DLG2: variants seen among roughly 807,000 people sequenced by gnomAD.
DLG2 encodes the protein discs large MAGUK scaffold protein 2, also known as disks large homolog 2.
A neutral mutation model predicts 132.5 loss-of-function variants in DLG2; 45 were observed. The ratio of observed to expected loss-of-function variants is 0.34; its 90% CI spans 0.27 to 0.44. The LOEUF (loss-of-function observed/expected upper bound fraction) is 0.44. Ranked by LOEUF, DLG2 falls within the 20% of genes least tolerant of loss-of-function variation. The probability of loss-of-function intolerance (pLI) is 1.00; values close to 1 mark genes in which losing one functional copy is unlikely to be tolerated. For missense variants in DLG2, 1,045 were observed against 1,196.9 expected (o/e 0.87, Z 1.87); for synonymous variants, 424 against 419.6 (o/e 1.01, Z -0.13).
chr11:84,166,979 A>G (rs1450518251), intron 8 of DLG2: 1 of 533,224 alleles, frequency 1.9e-6, no homozygotes, highest in East Asian at 5.4e-5. Context: ...TATGCTACTG[A>G]TAGTTTGGGG....
At chr11:84,945,443 G>A (rs1397082446) in intron 6 of DLG2, among the ~76,000 whole-genome samples, 4 of 152,164 alleles carry the variant, frequency 2.6e-5, no homozygotes, top group Non-Finnish European at 5.9e-5. Context: ...TGAGCTGCCT[G>A]GAGCTATGGA....
chr11:84,266,469 G>A (rs924298557), intron 7 of DLG2, among the ~76,000 whole-genome samples: 39 of 152,090 alleles, frequency 2.6e-4, no homozygotes, highest in Admixed American at 2.6e-3. Flanking sequence ...TCCATTAATA[G>A]CCTTGTTCAT....
intron 8 of DLG2, among the ~76,000 whole-genome samples, chr11:84,197,760 A>G (rs1266838287): frequency 6.6e-6 from 1 of 152,194 alleles, no homozygotes; most frequent in Non-Finnish European, 1.5e-5. Context: ...TATTCACTCA[A>G]TTAAGTAACT....
At chr11:84,517,801 C>T (rs945314002) in intron 7 of DLG2, among the ~76,000 whole-genome samples, 20 of 151,684 alleles carry the variant, frequency 1.3e-4, no homozygotes, top group Non-Finnish European at 1.9e-4. Context: ...ATGTACATAA[C>T]GAAATGCTAT....
chr11:85,188,037 G>C (rs2080250985), intron 4 of DLG2, among the ~76,000 whole-genome samples: 1 of 152,176 alleles, frequency 6.6e-6, no homozygotes, highest in Admixed American at 6.5e-5. Context: ...GAAGGCCTTA[G>C]TCTCTCTATG....
At position 83,471,731 on chromosome 11, in the gene DLG2, C is replaced by T; in HGVS notation, c.2345-4G>A. 6.2e-7 allele frequency: 1 copy of T among 1,610,940 alleles called. No homozygotes were observed. Among genetic ancestry groups the T allele is most frequent in the Non-Finnish European group, 8.5e-7 (1 of 1,177,748 alleles). Reference sequence around the variant, plus strand: ...ATCACCGGCCGGGTGTAGTTTACTGCAGAATGGGAAAGGAAGATGTAGGTA... The same window carrying T: ...ATCACCGGCCGGGTGTAGTTTACTGTAGAATGGGAAAGGAAGATGTAGGTA... On this transcript the variant is annotated splice_region_variant and splice_polypyrimidine_tract_variant and intron_variant, in intron 23 of 27. Coordinates refer to ENST00000376104, the MANE Select transcript of DLG2 (RefSeq NM_001142699.3).
intron 9 of DLG2, among the ~76,000 whole-genome samples, chr11:84,153,728 C>G (rs2095361143): frequency 6.6e-6 from 1 of 152,158 alleles, no homozygotes; most frequent in African/African-American, 2.4e-5. Flanking sequence ...GCTCTGTCAT[C>G]TTTCAACTCA....
chr11:84,428,096 A>C (rs1005082590), intron 7 of DLG2, among the ~76,000 whole-genome samples: 5 of 152,200 alleles, frequency 3.3e-5, no homozygotes, highest in Non-Finnish European at 2.9e-5. Context: ...TCTGTAGCTT[A>C]GACAACTATA....
intron 7 of DLG2, among the ~76,000 whole-genome samples, chr11:84,270,161 A>G (rs1005412368): frequency 6.6e-6 from 1 of 152,260 alleles, no homozygotes; most frequent in African/African-American, 2.4e-5. Flanking sequence ...CTGACTGCCT[A>G]GAAGAATGTC....
intron 27 of DLG2, 58 bp downstream of exon 27, chr11:83,461,944 G>C (rs2090113230): frequency 8.2e-7 from 1 of 1,212,498 alleles, no homozygotes; most frequent in South Asian, 1.2e-5. Flanking sequence ...CCCTCTCTGT[G>C]CCAAATGTCA....
chr11:84,608,751 C>T lies in DLG2; in HGVS notation c.358-74020G>A, dbSNP rs58595012. 5.5e-3 allele frequency among the ~76,000 whole-genome samples: 835 copies of T among 152,236 alleles called. 11 individuals are homozygous for T. The highest frequency in any genetic ancestry group is 0.02 in the African/African-American group (812 of 41,556). ...TGAGATAACCGTTTTCTAGAGTATG[C>T]TTTGTGAGACAGAAATCAGAGGACA... On this transcript the variant is annotated intron_variant, in intron 6 of 27. Coordinates refer to ENST00000376104, the MANE Select transcript of DLG2 (RefSeq NM_001142699.3).
rs574985549 is a variant in DLG2 at position 83,606,071 on chromosome 11, T to C, written c.1940+27140A>G. Among the ~76,000 whole-genome samples the C allele has an allele frequency of 1.0e-3, 157 of 152,284 alleles. 1 individual carries two copies. Among genetic ancestry groups the C allele is most frequent in the Non-Finnish European group, 1.7e-3 (119 of 68,022 alleles). ...CAGAGTCATCGGTGATTCTTTGGTG[T>C]TTAACTCCTTTTCAAGAAAGGGAGG... On this transcript the variant is annotated intron_variant, in intron 19 of 27. Transcript: ENST00000376104.
At chr11:85,426,696 T>C (rs968928729) in intron 3 of DLG2, among the ~76,000 whole-genome samples, 1 of 151,978 alleles carries the variant, frequency 6.6e-6, no homozygotes, top group Non-Finnish European at 1.5e-5. Flanking sequence ...GCAGAAAAAC[T>C]GGAAACTCTA....
chr11:84,831,577 TTAAAGGAATAAAAAGAAGGCAAAAGA>T (rs1294603946), intron 6 of DLG2, among the ~76,000 whole-genome samples: 6 of 151,256 alleles, frequency 4.0e-5, no homozygotes, highest in African/African-American at 1.5e-4. Flanking sequence ...CAGGAAAAAA[TTAAAGGAATAAAAAGAAGGCAAAAGA>T]TAACTTTCTC....
At chr11:85,313,954 A>G (rs1025624896) in intron 3 of DLG2, among the ~76,000 whole-genome samples, 2 of 152,018 alleles carry the variant, frequency 1.3e-5, no homozygotes, top group African/African-American at 4.8e-5. Context: ...TTTACATAAC[A>G]CAACTCCCTC....
chr11:84,530,996 G>A (rs1235351292), intron 7 of DLG2, among the ~76,000 whole-genome samples: 1 of 152,156 alleles, frequency 6.6e-6, no homozygotes, highest in Admixed American at 6.5e-5. Flanking sequence ...GAGATCTGTA[G>A]TCCCAGCTAC....
At chr11:85,456,173 G>A (rs545337899) in intron 3 of DLG2, among the ~76,000 whole-genome samples, 3 of 151,974 alleles carry the variant, frequency 2.0e-5, no homozygotes, top group Non-Finnish European at 4.4e-5. Flanking sequence ...AGTCTGTTCA[G>A]GGATTCCTGG....
At chr11:85,060,811 T>C (rs1319604541) in intron 6 of DLG2, among the ~76,000 whole-genome samples, 1 of 151,756 alleles carries the variant, frequency 6.6e-6, no homozygotes, top group Non-Finnish European at 1.5e-5. Flanking sequence ...GTATAAGGGT[T>C]CTAATTTCTC....
At chr11:84,725,972 C>G (rs59226238) in intron 6 of DLG2, among the ~76,000 whole-genome samples, 356 of 152,106 alleles carry the variant, frequency 2.3e-3, no homozygotes, top group African/African-American at 8.3e-3. Context: ...CTCAGTGACT[C>G]TCCTTAGACC....
Sources: allele counts gnomAD v4.1 joint callset (sites outside exome capture counted in the v4.1 genomes callset), GRCh38; gene constraint gnomAD v4.1.1; transcripts MANE v1.5; gene names NCBI Gene and HGNC (gene_info 2026-07-23, HGNC 2026-07-21).